Variants in MGAT5 observed in about 807,000 individuals in gnomAD.
MGAT5 encodes the protein alpha-1,6-mannosylglycoprotein 6-beta-N-acetylglucosaminyltransferase A.
In MGAT5, 30 loss-of-function variants were observed where a neutral mutation model predicts 94.3. The observed-to-expected ratio is 0.32, with a 90% CI of 0.24 to 0.43. The LOEUF (loss-of-function observed/expected upper bound fraction) is 0.43. Among genes scored for constraint, MGAT5 ranks in the 20% least tolerant of loss-of-function variants. The probability of loss-of-function intolerance (pLI) is 1.00; values close to 1 mark genes in which losing one functional copy is unlikely to be tolerated. For missense variants in MGAT5, 691 were observed against 905.5 expected (o/e 0.76, Z 3.04); for synonymous variants, 310 against 322.9 (o/e 0.96, Z 0.43).
At chr2:134,289,704 C>T (rs1478505922) in intron 2 of MGAT5, among the ~76,000 whole-genome samples, 1 of 152,206 alleles carries the variant, frequency 6.6e-6, no homozygotes, top group Non-Finnish European at 1.5e-5. Flanking sequence ...TGCATTCCTT[C>T]TGGGAGTCTG....
At chr2:134,395,539 G>T (rs1023569873) in intron 10 of MGAT5, among the ~76,000 whole-genome samples, 1 of 152,146 alleles carries the variant, frequency 6.6e-6, no homozygotes, top group African/African-American at 2.4e-5. Flanking sequence ...TTAGCACCTT[G>T]TTTTTAAAAG....
rs866150020 is a variant in MGAT5, at chr2:134,349,815, C to T, written c.1123C>T (p.Arg375Ter). Residue 375 changes from arginine (R) to a stop codon, truncating the protein, a stop_gained, in exon 9 of 16, where the codon CGA becomes TGA. Transcript: ENST00000281923. LOFTEE classifies it high-confidence loss of function. ...PSWVHYQCML[R>*]VLDSFGTEPE... ...GCTTTTTTCTTTCAGGTGCATGCTCCGAGTCCTTGATTCATTTGGTACTGA... is the reference window on the plus strand; with the variant it reads ...GCTTTTTTCTTTCAGGTGCATGCTCTGAGTCCTTGATTCATTTGGTACTGA... 1 of 1,613,380 alleles carries T rather than the reference C, an allele frequency of 6.2e-7. No individual in the cohort carries two copies. Among genetic ancestry groups the T allele is most frequent in the Non-Finnish European group, 8.5e-7 (1 of 1,179,584 alleles).
chr2:134,338,504 T>C, intron 6 of MGAT5, 84 bp downstream of exon 6: 1 of 1,384,994 alleles, frequency 7.2e-7, no homozygotes, highest in Non-Finnish European at 9.8e-7. Flanking sequence ...CTAAGAGAAA[T>C]GTCATATCTC....
chr2:134,137,276 AT>A (rs1686452302), intron 1 of MGAT5, among the ~76,000 whole-genome samples: 1 of 152,234 alleles, frequency 6.6e-6, no homozygotes, highest in African/African-American at 2.4e-5. Flanking sequence ...ACAGAGGGGC[AT>A]CCCCTAGGAA....
chr2:134,318,146 A>G (rs750589650), intron 3 of MGAT5, among the ~76,000 whole-genome samples: 2 of 152,142 alleles, frequency 1.3e-5, no homozygotes, highest in Non-Finnish European at 2.9e-5. Flanking sequence ...TAGTTTTCAG[A>G]GAACAGTGTC....
At chr2:134,270,282 C>G (rs992235804) in intron 1 of MGAT5, 104 bp from the exon 2 acceptor site, 6 of 1,157,122 alleles carry the variant, frequency 5.2e-6, no homozygotes, top group African/African-American at 4.7e-5. Context: ...TGTATCACTT[C>G]AGAAACATTT....
chr2:134,188,806 G>T (rs1206844160), intron 1 of MGAT5, among the ~76,000 whole-genome samples: 1 of 152,186 alleles, frequency 6.6e-6, no homozygotes, highest in Non-Finnish European at 1.5e-5. Context: ...CCCACTGTAA[G>T]TGGGACTTCC....
intron 4 of MGAT5, among the ~76,000 whole-genome samples, chr2:134,321,490 C>CACACTTCACCCCTGCAT (rs1452656541): frequency 2.6e-5 from 4 of 152,156 alleles, no homozygotes; most frequent in African/African-American, 9.7e-5. Flanking sequence ...CCCCTGCTCC[C>CACACTTCACCCCTGCAT]AGTGAAGTAT....
intron 1 of MGAT5, among the ~76,000 whole-genome samples, chr2:134,131,092 A>T (rs561008254): frequency 6.6e-6 from 1 of 152,212 alleles, no homozygotes; most frequent in Non-Finnish European, 1.5e-5. Flanking sequence ...CTTTGGGTCC[A>T]CACTGCCTTT....
chr2:134,380,721 G>A (rs138576333), intron 10 of MGAT5, among the ~76,000 whole-genome samples: 7 of 152,210 alleles, frequency 4.6e-5, no homozygotes, highest in African/African-American at 1.7e-4. Flanking sequence ...ATATTGTCCT[G>A]TTTAGCTCTC....
At chr2:134,433,405 T>G (rs1015140834) in intron 14 of MGAT5, among the ~76,000 whole-genome samples, 2 of 152,240 alleles carry the variant, frequency 1.3e-5, no homozygotes, top group African/African-American at 4.8e-5. Context: ...CGTAGACTCC[T>G]AGAAGTGTGT....
At position 134,275,314 on chromosome 2, in the gene MGAT5, A is replaced by G. The variant is rs148678749; in HGVS notation, c.406+4764A>G. Among the ~76,000 whole-genome samples, 932 of 152,368 alleles carry G rather than the reference A, an allele frequency of 6.1e-3. 7 individuals carry two copies. The highest frequency in any genetic ancestry group is 0.011 in the Non-Finnish European group (716 of 68,026). ...TGTTTTGTTATTTGCAATGGTAACA[A>G]TAAATATGTGGACCCTTGTCAGAAG... On this transcript the variant is annotated intron_variant, in intron 2 of 15. Coordinates refer to ENST00000281923, the MANE Select transcript of MGAT5 (RefSeq NM_002410.5).
At position 134,308,893 on chromosome 2, in the gene MGAT5, C is replaced by T. The variant is rs147859184; in HGVS notation, c.407-8636C>T. Reference sequence around the variant, plus strand: ...CTACAAAAAATGAAAATAATTAGTTCGATGTGGCTTTCAGTATATTCAGTT... The same window carrying T: ...CTACAAAAAATGAAAATAATTAGTTTGATGTGGCTTTCAGTATATTCAGTT... On this transcript the variant is annotated intron_variant, in intron 2 of 15. Coordinates refer to ENST00000281923, the MANE Select transcript of MGAT5 (RefSeq NM_002410.5). 4.6e-3 allele frequency among the ~76,000 whole-genome samples: 707 copies of T among 152,180 alleles called. 8 individuals are homozygous for T. Among genetic ancestry groups the T allele is most frequent in the African/African-American group, 0.016 (647 of 41,532 alleles).
chr2:134,171,923 C>T (rs1342134395), intron 1 of MGAT5, among the ~76,000 whole-genome samples: 1 of 152,270 alleles, frequency 6.6e-6, no homozygotes, highest in East Asian at 1.9e-4. Flanking sequence ...TACACTTTGG[C>T]ACTCTGGTCC....
intron 2 of MGAT5, among the ~76,000 whole-genome samples, chr2:134,315,389 T>C (rs1359096269): frequency 1.3e-5 from 2 of 152,186 alleles, no homozygotes; most frequent in African/African-American, 4.8e-5. Flanking sequence ...CAAGTAAGCA[T>C]TGACAAGCAA....
chr2:134,402,691 G>C (rs989858511), intron 10 of MGAT5, among the ~76,000 whole-genome samples: 1 of 152,128 alleles, frequency 6.6e-6, no homozygotes, highest in Non-Finnish European at 1.5e-5. Context: ...AAAACAGTTG[G>C]CTATATAATG....
chr2:134,217,044 G>T (rs1029749217), intron 1 of MGAT5, among the ~76,000 whole-genome samples: 14 of 152,148 alleles, frequency 9.2e-5, no homozygotes, highest in African/African-American at 3.4e-4. Context: ...TCTGTGGATT[G>T]TAGATGGAGG....
intron 1 of MGAT5, among the ~76,000 whole-genome samples, chr2:134,190,772 A>C (rs1689329560): frequency 1.3e-5 from 2 of 151,958 alleles, no homozygotes; most frequent in Admixed American, 1.3e-4. Context: ...CAGCCTCCCG[A>C]GTAGCTAGGA....
At chr2:134,175,047 G>A (rs1007300506) in intron 1 of MGAT5, among the ~76,000 whole-genome samples, 2 of 152,190 alleles carry the variant, frequency 1.3e-5, no homozygotes, top group African/African-American at 4.8e-5. Flanking sequence ...CCATGGGCAG[G>A]GTGGGGCTGT....
Sources: allele counts gnomAD v4.1 joint callset (sites outside exome capture counted in the v4.1 genomes callset), GRCh38; gene constraint gnomAD v4.1.1; transcripts MANE v1.5; gene names NCBI Gene and HGNC (gene_info 2026-07-23, HGNC 2026-07-21).